Variants in NEURL1B observed in about 807,000 individuals in gnomAD.
The protein encoded by NEURL1B is E3 ubiquitin-protein ligase NEURL1B.
A neutral mutation model predicts 37.4 loss-of-function variants in NEURL1B; 13 were observed. The observed-to-expected ratio is 0.35, with a 90% CI of 0.23 to 0.55. NEURL1B has a LOEUF of 0.55. NEURL1B is among the 20% of genes least tolerant of loss of function. The pLI is 0.89. For missense variants in NEURL1B, 790 were observed against 879.2 expected (o/e 0.90, Z 1.28); for synonymous variants, 432 against 426.6 (o/e 1.01, Z -0.16).
At chr5:172,659,509 A>C (rs1757856160) in intron 1 of NEURL1B, among the ~76,000 whole-genome samples, 1 of 152,198 alleles carries the variant, frequency 6.6e-6, no homozygotes, top group Non-Finnish European at 1.5e-5. Context: ...TGGAAGAGAC[A>C]TTCAAAACCT....
rs1757823360 is a variant in NEURL1B, at chr5:172,657,805, C to T, written c.32-11980C>T. On this transcript the variant is annotated intron_variant, in intron 1 of 4. Transcript: ENST00000369800. This position sits in a 1 kb window ranked among gnomAD's most constrained non-coding sequence, Gnocchi z 4.0. The stretch of plus-strand genomic sequence containing the variant: ...CCCGCAGTCATCCGGAGGCCTAAAC[C>T]CCTCCCTGTGGTGCTGTGCTTCAAT... Among the ~76,000 whole-genome samples, 1 of 152,188 alleles carries T rather than the reference C, an allele frequency of 6.6e-6. No homozygotes were observed. Among genetic ancestry groups the T allele is most frequent in the South Asian group, 2.1e-4 (1 of 4,832 alleles).
At chr5:172,655,670 C>T (rs894811660) in intron 1 of NEURL1B, among the ~76,000 whole-genome samples, 2 of 152,052 alleles carry the variant, frequency 1.3e-5, no homozygotes, top group Non-Finnish European at 2.9e-5. Context: ...TTGGTCTATG[C>T]ACAGTTGTTG....
rs1464900735 is a variant in NEURL1B at position 172,661,336 on chromosome 5, T to C, written c.32-8449T>C. On this transcript the variant is annotated intron_variant, in intron 1 of 4. Transcript: ENST00000369800. This position sits in a 1 kb window ranked among gnomAD's most constrained non-coding sequence, Gnocchi z 4.0. The stretch of plus-strand genomic sequence containing the variant: ...TATCAGATTGTGCATGGAGTCTGGG[T>C]ATGTTTCTGGCGGGGAAGCCTCTAT... Among the ~76,000 whole-genome samples the C allele has an allele frequency of 1.3e-5, 2 of 152,146 alleles. No individual in the cohort carries two copies. Among genetic ancestry groups the C allele is most frequent in the African/African-American group, 2.4e-5 (1 of 41,414 alleles).
In NEURL1B at chr5:172,676,231, T is replaced by G. The variant is rs1308883374; in HGVS notation, c.577+5901T>G. On this transcript the variant is annotated intron_variant, in intron 2 of 4. Transcript: ENST00000369800. This position sits in a 1 kb window ranked among gnomAD's most constrained non-coding sequence, Gnocchi z 4.5. ...GGGAATGGTTGCCTTTAAGCCTGGC[T>G]CAATGCGGGGACCCAAAGAACTGCA... Among the ~76,000 whole-genome samples the G allele has an allele frequency of 6.6e-6, 1 of 152,086 alleles. No individual in the cohort carries two copies. The highest frequency in any genetic ancestry group is 1.5e-5 in the Non-Finnish European group (1 of 68,016).
chr5:172,667,641 C>A (rs1362040092), intron 1 of NEURL1B, among the ~76,000 whole-genome samples: 3 of 152,012 alleles, frequency 2.0e-5, no homozygotes, highest in African/African-American at 7.3e-5. Context: ...TGGTACCTAC[C>A]CCCAATAGGA....
At chr5:172,682,292 C>T (rs1338012798) in intron 2 of NEURL1B, among the ~76,000 whole-genome samples, 1 of 152,196 alleles carries the variant, frequency 6.6e-6, no homozygotes, top group African/African-American at 2.4e-5. Context: ...ACTTTCCCTT[C>T]GGCCGGGCGT....
At position 172,670,319 on chromosome 5, in the gene NEURL1B, T is replaced by C; in HGVS notation, c.566T>C (p.Val189Ala). The C allele has an allele frequency of 7.3e-7, 1 of 1,366,986 alleles. No homozygotes were observed. The highest frequency in any genetic ancestry group is 9.4e-7 in the Non-Finnish European group (1 of 1,064,020). 84.7% of individuals were successfully genotyped at this position (1,366,986 alleles called of 1,614,324 possible). Residue 189 changes from valine (V) to alanine (A), a missense_variant, in exon 2 of 5, where the codon GTG becomes GCG. Around this residue, in one of 3 missense-constraint regions of NEURL1B, gnomAD observed 215 missense variants for 309.2 expected, o/e 0.70. Coordinates refer to ENST00000369800, the MANE Select transcript of NEURL1B (RefSeq NM_001142651.3). ...GATGTCTACGGCATCACCGACGAGG[T>C]GCAGCTTCTGGGTAGGTCGCGGGCG... ...LIDVYGITDE[V>A]QLLESAFADT...
At chr5:172,650,573 T>C (rs751381404) in intron 1 of NEURL1B, among the ~76,000 whole-genome samples, 3 of 152,224 alleles carry the variant, frequency 2.0e-5, no homozygotes, top group Non-Finnish European at 4.4e-5. Flanking sequence ...GTCTCTAAGC[T>C]GTATGATCCT....
chr5:172,680,177 C>T (rs2113324998), intron 2 of NEURL1B, among the ~76,000 whole-genome samples: 1 of 152,326 alleles, frequency 6.6e-6, no homozygotes, highest in East Asian at 1.9e-4. Flanking sequence ...TATTACTCTT[C>T]ATGACAGTAA....
chr5:172,684,115 T>G lies in NEURL1B; in HGVS notation c.1274T>G (p.Val425Gly). The G allele has an allele frequency of 7.9e-7, 1 of 1,258,570 alleles. No homozygotes were observed. Among genetic ancestry groups the G allele is most frequent in the East Asian group, 3.3e-5 (1 of 30,016 alleles). The allele number at this position is 1,258,570 out of a possible 1,614,324, so 78.0% of individuals were successfully genotyped here. ...LWAFFAVRGG[V>G]AGQLRLLGTL... ...GCCTTCTTCGCCGTGCGCGGCGGCG[T>G]CGCGGGCCAGCTGCGTCTCCTCGGT... is the stretch of plus-strand genomic sequence containing the variant. Residue 425 changes from valine (V) to glycine (G), a missense_variant, in exon 3 of 5, where the codon GTC (valine) becomes GGC (glycine). This residue lies in a region of NEURL1B where 460 missense variants were observed against 407.4 expected (regional missense o/e 1.13). Coordinates refer to ENST00000369800, the MANE Select transcript of NEURL1B (RefSeq NM_001142651.3).
chr5:172,690,615 A>G lies in NEURL1B; in HGVS notation c.*3690A>G, dbSNP rs971543971. 7 of 152,194 alleles carry G rather than the reference A, an allele frequency of 4.6e-5. No homozygotes were observed. Among genetic ancestry groups the G allele is most frequent in the African/African-American group, 1.4e-4 (6 of 41,412 alleles). The allele number at this position is 152,194 out of a possible 1,614,324, so 9.4% of individuals were successfully genotyped here. A position where few individuals can be genotyped will look rare whatever the true frequency, so the allele number is the denominator to read the frequency against. On this transcript the variant is annotated 3_prime_UTR_variant, in exon 5 of 5. Transcript: ENST00000369800. ...GAGGTGACACTAAGAGGGAAATGAG[A>G]TATTTGGGGCAGAATCCACTGGGCT...
At position 172,661,708 on chromosome 5, in the gene NEURL1B, G is replaced by A. The variant is rs939043922; in HGVS notation, c.32-8077G>A. ...AGGAATCTGCTGAAAACCTCAGCCA[G>A]CATGCCATCTGCGGAACTCCAGCAG... On this transcript the variant is annotated intron_variant, in intron 1 of 4. Transcript: ENST00000369800. The surrounding 1 kb of genome is among the most constrained non-coding windows in gnomAD (Gnocchi z 4.0). Among the ~76,000 whole-genome samples the A allele has an allele frequency of 1.3e-5, 2 of 152,244 alleles. No homozygotes were observed. Among genetic ancestry groups the A allele is most frequent in the African/African-American group, 2.4e-5 (1 of 41,468 alleles).
At chr5:172,652,134 GA>G (rs1444239070) in intron 1 of NEURL1B, among the ~76,000 whole-genome samples, 1 of 152,256 alleles carries the variant, frequency 6.6e-6, no homozygotes, top group Non-Finnish European at 1.5e-5. Context: ...TGTCATGAGA[GA>G]CACGAAGTGA....
At chr5:172,684,204 T>A in intron 3 of NEURL1B, 66 bp downstream of exon 3, 2 of 1,039,208 alleles carry the variant, frequency 1.9e-6, no homozygotes, top group Non-Finnish European at 2.3e-6. Context: ...CTCACCCCGC[T>A]GCGCTCTTCC....
chr5:172,660,650 AT>A (rs1005472964), intron 1 of NEURL1B, among the ~76,000 whole-genome samples: 1 of 151,546 alleles, frequency 6.6e-6, no homozygotes. Flanking sequence ...TTTTCTCTTT[AT>A]TTTTTTTGAG....
At chr5:172,677,897 TA>T (rs1218678697) in intron 2 of NEURL1B, among the ~76,000 whole-genome samples, 1 of 152,156 alleles carries the variant, frequency 6.6e-6, no homozygotes, top group East Asian at 1.9e-4. Flanking sequence ...AGGTCTTTCT[TA>T]AGTGCTGGTT....
At chr5:172,648,947 G>A (rs760415634) in intron 1 of NEURL1B, among the ~76,000 whole-genome samples, 11 of 152,192 alleles carry the variant, frequency 7.2e-5, no homozygotes, top group Admixed American at 1.3e-4. Context: ...GCAAATCAAA[G>A]GCCATGCCAT....
At chr5:172,658,057 A>G (rs1399895197) in intron 1 of NEURL1B, among the ~76,000 whole-genome samples, 1 of 152,112 alleles carries the variant, frequency 6.6e-6, no homozygotes, top group Non-Finnish European at 1.5e-5. Context: ...CACCTTGTCA[A>G]TCACTTAGAA....
At chr5:172,677,515 T>G (rs1168199791) in intron 2 of NEURL1B, among the ~76,000 whole-genome samples, 1 of 152,184 alleles carries the variant, frequency 6.6e-6, no homozygotes, top group East Asian at 1.9e-4. Flanking sequence ...GGCCTGTGTC[T>G]GCAGTCCAGC....
Sources: allele counts gnomAD v4.1 joint callset (sites outside exome capture counted in the v4.1 genomes callset), GRCh38; gene constraint gnomAD v4.1.1; regional missense constraint gnomAD v4.1.1; non-coding constraint Gnocchi (gnomAD v3.1); transcripts MANE v1.5; gene names NCBI Gene and HGNC (gene_info 2026-07-23, HGNC 2026-07-21).